The following IQSEC1 variants were observed in gnomAD, a reference collection of about 807,000 sequenced individuals.
The protein encoded by IQSEC1 is IQ motif and SEC7 domain-containing protein 1.
Under a neutral mutation model 91.0 loss-of-function variants are expected in IQSEC1, and 31 were observed. The ratio of observed to expected loss-of-function variants is 0.34; its 90% CI spans 0.26 to 0.46. IQSEC1 has a LOEUF of 0.46. Ranked by LOEUF, IQSEC1 falls within the 20% of genes least tolerant of loss-of-function variation. The pLI is 1.00. For synonymous variants in IQSEC1, 699 were observed against 662.6 expected (o/e 1.05, Z -0.84); for missense variants, 1,388 against 1,575.6 (o/e 0.88, Z 2.02).
intron 1 of IQSEC1, among the ~76,000 whole-genome samples, chr3:13,037,561 C>T (rs1037798082): frequency 6.6e-6 from 1 of 152,120 alleles, no homozygotes; most frequent in African/African-American, 2.4e-5. Context: ...TATCTGCACA[C>T]CCATGTTCAT....
At chr3:13,045,227 T>A (rs1400548146) in intron 1 of IQSEC1, among the ~76,000 whole-genome samples, 2 of 152,306 alleles carry the variant, frequency 1.3e-5, no homozygotes, top group African/African-American at 4.8e-5. Context: ...CTGGCCACCC[T>A]CCCATCTCTG....
chr3:13,068,480 C>A (rs373242633), intron 1 of IQSEC1, among the ~76,000 whole-genome samples: 1 of 152,334 alleles, frequency 6.6e-6, no homozygotes, highest in South Asian at 2.1e-4. Context: ...TTTTCAGGCC[C>A]CAGGCTCATG....
Position 12,936,241 on chromosome 3 carries a change from C to T in IQSEC1, c.775G>A (p.Ala259Thr). 6.2e-7 allele frequency: 1 copy of T among 1,613,264 alleles called. No individual in the cohort carries two copies. Among genetic ancestry groups the T allele is most frequent in the Admixed American group, 1.7e-5 (1 of 60,026 alleles). The change falls in exon 3 of 14, where the codon GCG becomes ACG. Residue 259 changes from alanine (A) to threonine (T), a missense_variant. Physicochemically the swap from Ala to Thr is moderately conservative, Grantham distance 58. Coordinates refer to ENST00000613206, the MANE Select transcript of IQSEC1 (RefSeq NM_001134382.3). ...GGTTCGGTGTCCCGGGCCCGCGCCG[C>T]ATCCAGGGCCGGTGCCTCCTCAGTG... is the stretch of plus-strand genomic sequence containing the variant. Reference protein sequence around the residue: ...LHTEEAPALDAARARDTEPQT... With the variant: ...LHTEEAPALDTARARDTEPQT...
intron 1 of IQSEC1, among the ~76,000 whole-genome samples, chr3:13,007,453 C>G (rs1702687412): frequency 6.6e-6 from 1 of 152,216 alleles, no homozygotes; most frequent in African/African-American, 2.4e-5. Flanking sequence ...ACCGGTCCAC[C>G]CTCCGTGTCT....
intron 1 of IQSEC1, among the ~76,000 whole-genome samples, chr3:13,010,275 A>G (rs745544791): frequency 1.4e-4 from 21 of 152,138 alleles, no homozygotes; most frequent in African/African-American, 2.2e-4. Context: ...AGACACCCCA[A>G]TTTTCTTTGG....
rs560350844 is a variant in IQSEC1 at position 13,259,166 on chromosome 3, C to T, written c.272+23545G>A. Reference sequence around the variant, plus strand: ...CCCAACTGCCCCCACTGGGCCACACCGCTCCACCTCCACCACCCTCTGCCA... The same window carrying T: ...CCCAACTGCCCCCACTGGGCCACACTGCTCCACCTCCACCACCCTCTGCCA... On this transcript the variant is annotated intron_variant, in intron 1 of 15. Coordinates refer to the IQSEC1 transcript ENST00000648114. This position sits in a 1 kb window ranked among gnomAD's most constrained non-coding sequence, Gnocchi z 4.6. 4.6e-5 allele frequency among the ~76,000 whole-genome samples: 7 copies of T among 152,326 alleles called. No homozygotes were observed. Among genetic ancestry groups the T allele is most frequent in the East Asian group, 1.9e-4 (1 of 5,194 alleles).
At chr3:13,032,313 T>C (rs1703871309) in intron 1 of IQSEC1, among the ~76,000 whole-genome samples, 1 of 152,210 alleles carries the variant, frequency 6.6e-6, no homozygotes. Context: ...CGGTCCTCTA[T>C]GGAGACACAA....
At chr3:13,015,214 C>T (rs1208725537) in intron 1 of IQSEC1, among the ~76,000 whole-genome samples, 1 of 152,176 alleles carries the variant, frequency 6.6e-6, no homozygotes, top group Non-Finnish European at 1.5e-5. Context: ...AAGAGTCCAT[C>T]TTTCTCAGGG....
chr3:13,125,560 T>C (rs1488268510), intron 2 of IQSEC1, among the ~76,000 whole-genome samples: 1 of 152,214 alleles, frequency 6.6e-6, no homozygotes, highest in Non-Finnish European at 1.5e-5. Context: ...GAACAAGGAC[T>C]CTGGAGCTGC....
At chr3:13,178,732 G>T (rs1424295600) in intron 1 of IQSEC1, among the ~76,000 whole-genome samples, 1 of 152,226 alleles carries the variant, frequency 6.6e-6, no homozygotes, top group African/African-American at 2.4e-5. Context: ...TAACGGCTGA[G>T]AATCTGCTAA....
At position 12,940,131 on chromosome 3, in the gene IQSEC1, C is replaced by A. The variant is rs1028083117; in HGVS notation, c.318+1440G>T. On this transcript the variant is annotated intron_variant, in intron 2 of 13. Transcript: ENST00000613206. This position sits in a 1 kb window ranked among gnomAD's most constrained non-coding sequence, Gnocchi z 4.4. ...GTTGCAGACATCTCTTACTATAAAC[C>A]GTGGTCCACTTTGGATCTGGGCATC... 1.3e-5 allele frequency among the ~76,000 whole-genome samples: 2 copies of A among 152,174 alleles called. No individual in the cohort carries two copies. The highest frequency in any genetic ancestry group is 2.9e-5 in the Non-Finnish European group (2 of 68,030).
At chr3:13,162,123 G>A (rs1310842073) in intron 2 of IQSEC1, among the ~76,000 whole-genome samples, 1 of 152,228 alleles carries the variant, frequency 6.6e-6, no homozygotes, top group Non-Finnish European at 1.5e-5. Flanking sequence ...CACTCTACAT[G>A]TTCACTAGCC....
chr3:12,924,317 A>G lies in IQSEC1; in HGVS notation c.1730+264T>C, dbSNP rs1696917823. Among the ~76,000 whole-genome samples, 1 of 152,126 alleles carries G rather than the reference A, an allele frequency of 6.6e-6. No individual in the cohort carries two copies. The highest frequency in any genetic ancestry group is 1.5e-5 in the Non-Finnish European group (1 of 67,996). On this transcript the variant is annotated intron_variant, in intron 4 of 13. Coordinates refer to ENST00000613206, the MANE Select transcript of IQSEC1 (RefSeq NM_001134382.3). This position sits in a 1 kb window ranked among gnomAD's most constrained non-coding sequence, Gnocchi z 6.3. ...TAGGGATGGAGGGAAGGGAGGGGCC[A>G]AGGGTGCATGCCAGAGGGTGGGCGG...
intron 2 of IQSEC1, among the ~76,000 whole-genome samples, chr3:13,148,988 G>T (rs73815414): frequency 0.13 from 19,212 of 152,254 alleles, 1,280 homozygotes; most frequent in African/African-American, 0.18. Context: ...AAGAACCGCT[G>T]CTGGGCAGCG....
chr3:13,026,130 G>A (rs1176902016), intron 1 of IQSEC1, among the ~76,000 whole-genome samples: 1 of 152,228 alleles, frequency 6.6e-6, no homozygotes, highest in Non-Finnish European at 1.5e-5. Context: ...ATAGGTCAGG[G>A]TACTCGTTGC....
At chr3:13,052,793 T>G (rs1197858106) in intron 1 of IQSEC1, among the ~76,000 whole-genome samples, 1 of 152,140 alleles carries the variant, frequency 6.6e-6, no homozygotes, top group Non-Finnish European at 1.5e-5. Context: ...GTCTCACATA[T>G]TTATTACTGA....
intron 1 of IQSEC1, among the ~76,000 whole-genome samples, chr3:12,999,720 A>G (rs1012626264): frequency 3.3e-5 from 5 of 152,126 alleles, no homozygotes; most frequent in African/African-American, 1.2e-4. Flanking sequence ...TCTGCAGTTC[A>G]CCATCGGTCA....
chr3:13,220,270 C>T (rs1263114067), intron 1 of IQSEC1, among the ~76,000 whole-genome samples: 4 of 152,264 alleles, frequency 2.6e-5, no homozygotes, highest in Non-Finnish European at 1.5e-5. Flanking sequence ...AGCCCCAGAC[C>T]TTGATCGCCT....
rs532204932 is a variant in IQSEC1, at chr3:13,243,864, C to T, written c.272+38847G>A. 1.2e-4 allele frequency among the ~76,000 whole-genome samples: 18 copies of T among 152,336 alleles called. No individual in the cohort carries two copies. In the South Asian group the frequency reaches 3.5e-3, roughly 30 times the overall value. ...TCCTGCTGTTCTGTTTCTGTATCTT[C>T]GCTGTGCGACTCCTGGCAGCCCCAT... is the stretch of plus-strand genomic sequence containing the variant. On this transcript the variant is annotated intron_variant, in intron 1 of 15. Transcript: ENST00000648114.
Sources: gnomAD v4.1 joint callset for allele counts (sites outside exome capture counted in the v4.1 genomes callset) on GRCh38, gnomAD v4.1.1 for gene constraint, Gnocchi (gnomAD v3.1) non-coding constraint, MANE v1.5 for transcripts, NCBI Gene and HGNC (gene_info 2026-07-23, HGNC 2026-07-21) for gene names.